Variants in CSMD1 observed in about 807,000 individuals in gnomAD.
CSMD1 encodes CUB and sushi domain-containing protein 1.
In CSMD1, 213 loss-of-function variants were observed where a neutral mutation model predicts 417.5. The observed-to-expected ratio is 0.51, with a 90% CI of 0.46 to 0.57. The LOEUF is 0.57. Ranked by LOEUF, CSMD1 falls within the 20% of genes least tolerant of loss-of-function variation. CSMD1 has a pLI of 0.00. For missense variants in CSMD1, 6,923 were observed against 4,529.7 expected, an observed-to-expected ratio of 1.53 and a Z score of -15.17; for synonymous variants, 2,862 against 1,736.8, an observed-to-expected ratio of 1.65 and a Z score of -16.11.
intron 2 of CSMD1, among the ~76,000 whole-genome samples, chr8:4,456,048 C>G (rs551502546): frequency 1.0e-5 from 1 of 96,918 alleles, no homozygotes; most frequent in African/African-American, 4.1e-5. Flanking sequence ...TTCTTCAATA[C>G]TATCATTGAC....
chr8:4,530,946 A>G (rs1490947122), intron 2 of CSMD1, among the ~76,000 whole-genome samples: 3 of 152,070 alleles, frequency 2.0e-5, no homozygotes, highest in Non-Finnish European at 2.9e-5. Flanking sequence ...ACAAAAAGAC[A>G]GACCTAGTAT....
At chr8:3,805,698 C>G (rs946585745) in intron 5 of CSMD1, among the ~76,000 whole-genome samples, 3 of 152,048 alleles carry the variant, frequency 2.0e-5, no homozygotes, top group Non-Finnish European at 4.4e-5. Flanking sequence ...GTGTTTCATT[C>G]TTTCCTATCT....
At chr8:4,747,071 G>C (rs189234406) in intron 1 of CSMD1, among the ~76,000 whole-genome samples, 133 of 152,206 alleles carry the variant, frequency 8.7e-4, no homozygotes, top group Non-Finnish European at 1.3e-3. Context: ...CCATCCTCTG[G>C]GGCTAGAGCT....
intron 69 of CSMD1, among the ~76,000 whole-genome samples, chr8:2,940,091 G>A (rs540973955): frequency 6.6e-6 from 1 of 152,268 alleles, no homozygotes; most frequent in South Asian, 2.1e-4. Flanking sequence ...TTTTTCTGGA[G>A]GAATGCAGAG....
intron 56 of CSMD1, among the ~76,000 whole-genome samples, chr8:2,974,110 G>GGATGATGGTAGAC (rs1804710338): frequency 6.6e-6 from 1 of 151,922 alleles, no homozygotes; most frequent in Non-Finnish European, 1.5e-5. Flanking sequence ...TGATGGTAGA[G>GGATGATGGTAGAC]GATGATGGTA....
chr8:3,086,183 T>G (rs1264166617), intron 49 of CSMD1, among the ~76,000 whole-genome samples: 2 of 150,650 alleles, frequency 1.3e-5, no homozygotes, highest in Admixed American at 1.3e-4. Context: ...AGAAAAAGTA[T>G]TCTTGTAAAG....
chr8:4,401,781 G>C (rs564973931), intron 3 of CSMD1, among the ~76,000 whole-genome samples: 4 of 152,102 alleles, frequency 2.6e-5, no homozygotes, highest in Non-Finnish European at 4.4e-5. Context: ...CCGCAGCCCT[G>C]TCCAGCAGTG....
chr8:4,994,112 G>A (rs1217717391), intron 1 of CSMD1, among the ~76,000 whole-genome samples: 3 of 152,166 alleles, frequency 2.0e-5, no homozygotes, highest in Non-Finnish European at 4.4e-5. Flanking sequence ...CCAAGAGAGG[G>A]GGAAGGAATG....
At chr8:4,418,112 C>T (rs1336778996) in intron 3 of CSMD1, among the ~76,000 whole-genome samples, 1 of 151,890 alleles carries the variant, frequency 6.6e-6, no homozygotes, top group African/African-American at 2.4e-5. Context: ...GTTTAGCCAA[C>T]AAAGCACCTT....
chr8:4,673,065 G>GCA (rs59729776), intron 1 of CSMD1, among the ~76,000 whole-genome samples: 9,351 of 151,396 alleles, frequency 0.062, 332 homozygotes, highest in African/African-American at 0.1. Flanking sequence ...TGCTGACATG[G>GCA]CACACACACA....
At chr8:3,204,712 T>G (rs992695288) in intron 31 of CSMD1, among the ~76,000 whole-genome samples, 1 of 152,220 alleles carries the variant, frequency 6.6e-6, no homozygotes, top group African/African-American at 2.4e-5. Flanking sequence ...ATTAGAATTT[T>G]TACCTGCTTT....
chr8:3,476,061 G>T (rs1331949783), intron 11 of CSMD1, among the ~76,000 whole-genome samples: 2 of 152,162 alleles, frequency 1.3e-5, no homozygotes, highest in Admixed American at 6.5e-5. Flanking sequence ...ATGTGTTAAG[G>T]GCTGGAGGTG....
At chr8:4,399,448 G>C (rs886649354) in intron 3 of CSMD1, among the ~76,000 whole-genome samples, 7 of 152,198 alleles carry the variant, frequency 4.6e-5, no homozygotes, top group African/African-American at 1.4e-4. Context: ...GCCTTTCAAA[G>C]AATGGGTATG....
At chr8:4,750,520 G>T (rs1811246956) in intron 1 of CSMD1, among the ~76,000 whole-genome samples, 1 of 152,014 alleles carries the variant, frequency 6.6e-6, no homozygotes, top group Admixed American at 6.6e-5. Flanking sequence ...TTAATGTTAA[G>T]ATTTTCCTAT....
At chr8:4,152,619 G>A (rs933208996) in intron 3 of CSMD1, among the ~76,000 whole-genome samples, 1 of 151,938 alleles carries the variant, frequency 6.6e-6, no homozygotes, top group Non-Finnish European at 1.5e-5. Flanking sequence ...GAGCCTAGGA[G>A]GTCAAGGCTG....
Position 3,836,541 on chromosome 8 carries a change from T to A in CSMD1, c.819-82499A>T, listed in dbSNP as rs570393397. Among the ~76,000 whole-genome samples the A allele has an allele frequency of 3.0e-4, 46 of 152,246 alleles. No individual in the cohort carries two copies. The South Asian group carries it at 3.5e-3, about 12-fold the overall frequency. Reference sequence around the variant, plus strand: ...TTACCCTTTAGAGCAAGAACTAGGATGGAGTGAGTCAGAAAAGTGGTGATA... The same window carrying A: ...TTACCCTTTAGAGCAAGAACTAGGAAGGAGTGAGTCAGAAAAGTGGTGATA... On this transcript the variant is annotated intron_variant, in intron 5 of 69. Transcript: ENST00000635120.
chr8:4,976,246 A>G (rs932751667), intron 1 of CSMD1, among the ~76,000 whole-genome samples: 2 of 152,196 alleles, frequency 1.3e-5, no homozygotes, highest in Non-Finnish European at 2.9e-5. Context: ...CAAACCTCTG[A>G]GTTAAGCAAT....
chr8:3,180,796 AT>A (rs902663941), intron 37 of CSMD1, among the ~76,000 whole-genome samples: 9 of 150,826 alleles, frequency 6.0e-5, no homozygotes, highest in South Asian at 2.1e-4. Context: ...TGCCCAGCTA[AT>A]TTTTTTTTGT....
At chr8:3,921,135 T>G (rs936165323) in intron 5 of CSMD1, among the ~76,000 whole-genome samples, 5 of 152,184 alleles carry the variant, frequency 3.3e-5, no homozygotes, top group Admixed American at 6.5e-5. Context: ...ACTGACACAT[T>G]TCCCTTATTT....
Sources: gnomAD v4.1 joint callset for allele counts (sites outside exome capture counted in the v4.1 genomes callset) on GRCh38, gnomAD v4.1.1 for gene constraint, MANE v1.5 for transcripts, NCBI Gene and HGNC (gene_info 2026-07-23, HGNC 2026-07-21) for gene names.